Variants in CHODL observed in about 807,000 individuals in gnomAD.
The protein encoded by CHODL is transmembrane protein MT75.
In CHODL, 29 loss-of-function variants were observed where a neutral mutation model predicts 34.5. The observed-to-expected ratio is 0.84, with a 90% CI of 0.63 to 1.15. The LOEUF (loss-of-function observed/expected upper bound fraction) is 1.15, where lower values mean the gene tolerates loss of function less well. Among genes scored for constraint, CHODL ranks in the 50% most tolerant of loss-of-function variants. The pLI is 0.00. For missense variants in CHODL, 332 were observed against 332.5 expected, an observed-to-expected ratio of 1.00 and a Z score of 0.01; for synonymous variants, 125 against 116.1, an observed-to-expected ratio of 1.08 and a Z score of -0.49.
At chr21:18,252,904 A>G (rs567285297) in intron 1 of CHODL, among the ~76,000 whole-genome samples, 2 of 152,014 alleles carry the variant, frequency 1.3e-5, no homozygotes, top group African/African-American at 2.4e-5. Context: ...TCTATTATCC[A>G]CAACCAGAGA....
At chr21:18,104,525 G>A (rs2065251918) in intron 2 of CHODL, among the ~76,000 whole-genome samples, 1 of 152,072 alleles carries the variant, frequency 6.6e-6, no homozygotes. Context: ...ACAGTAGTAT[G>A]AAAACAAACT....
chr21:18,150,403 G>A (rs1475313415), intron 2 of CHODL, among the ~76,000 whole-genome samples: 1 of 152,150 alleles, frequency 6.6e-6, no homozygotes, highest in African/African-American at 2.4e-5. Context: ...CCCTGGCCAA[G>A]GAGAAAGTCC....
Position 17,917,796 on chromosome 21 carries a change from A to G in CHODL, c.-145+396A>G, listed in dbSNP as rs149961841. Among the ~76,000 whole-genome samples the G allele has an allele frequency of 8.0e-3, 1,215 of 152,154 alleles. 19 individuals carry two copies. Among genetic ancestry groups the G allele is most frequent in the African/African-American group, 0.027 (1,119 of 41,534 alleles). On this transcript the variant is annotated intron_variant, in intron 1 of 6. Transcript: ENST00000400127. ...GAGTAGATCTACAGGAGGTAAATGA[A>G]TGATATTTAGCACACTGCATGTTTT...
intron 2 of CHODL, among the ~76,000 whole-genome samples, chr21:18,070,137 C>G (rs2638082): frequency 0.43 from 64,785 of 150,198 alleles, 15,130 homozygotes; most frequent in East Asian, 0.95. Context: ...GTATACTGCT[C>G]AGGTGATGGG....
intron 1 of CHODL, among the ~76,000 whole-genome samples, chr21:17,989,605 C>T (rs1016878349): frequency 1.3e-5 from 2 of 152,066 alleles, no homozygotes; most frequent in Admixed American, 1.3e-4. Context: ...TGAAGTAACA[C>T]CATGTGTTTG....
Position 18,174,457 on chromosome 21 carries a change from C to G in CHODL, c.-44-82052C>G, listed in dbSNP as rs77091014. 9.0e-4 allele frequency among the ~76,000 whole-genome samples: 137 copies of G among 151,924 alleles called. 2 individuals carry two copies. In the East Asian group the frequency reaches 0.018, roughly 20 times the overall value. On this transcript the variant is annotated intron_variant, in intron 2 of 6. Transcript: ENST00000400127. ...CAATAATTCTAAAATTCTTTAAGGA[C>G]TACATTGGATTATAAAACACAGTCA...
Position 17,998,787 on chromosome 21 carries a change from C to T in CHODL, c.-144-29085C>T, listed in dbSNP as rs148341896. ...TAGGCTGCATACAGCTTGGGGACCC[C>T]GGGCCCAGCCCACAAAACCACTTTT... On this transcript the variant is annotated intron_variant, in intron 1 of 6. Transcript: ENST00000400127. Among the ~76,000 whole-genome samples the T allele has an allele frequency of 8.1e-3, 1,241 of 152,272 alleles. 19 individuals are homozygous for T. Among genetic ancestry groups the T allele is most frequent in the African/African-American group, 0.022 (924 of 41,562 alleles).
chr21:18,028,014 A>AT (rs1259260984), intron 2 of CHODL: 1 of 152,432 alleles, frequency 6.6e-6, no homozygotes, highest in East Asian at 1.9e-4. Context: ...TGGTCATGAC[A>AT]TACTGTTATA....
At chr21:18,120,553 C>T (rs17002345) in intron 2 of CHODL, among the ~76,000 whole-genome samples, 16,913 of 152,068 alleles carry the variant, frequency 0.11, 1,574 homozygotes, top group African/African-American at 0.25. Flanking sequence ...CACACTGATT[C>T]ACACAAAACA....
At chr21:17,981,346 A>G (rs2063712468) in intron 1 of CHODL, among the ~76,000 whole-genome samples, 1 of 152,206 alleles carries the variant, frequency 6.6e-6, no homozygotes, top group South Asian at 2.1e-4. Flanking sequence ...GCTTTAAACA[A>G]AGAACTGTTT....
intron 2 of CHODL, among the ~76,000 whole-genome samples, chr21:18,044,248 G>A (rs1046271344): frequency 5.3e-5 from 8 of 151,926 alleles, no homozygotes; most frequent in Non-Finnish European, 1.5e-5. Context: ...TACAAAATGT[G>A]AATTGTGTGA....
At chr21:18,091,084 G>A (rs1023575772) in intron 2 of CHODL, among the ~76,000 whole-genome samples, 2 of 152,208 alleles carry the variant, frequency 1.3e-5, no homozygotes, top group Non-Finnish European at 2.9e-5. Context: ...TGATCTCAAT[G>A]TTTCCCTGTC....
chr21:18,142,189 G>A (rs2072811620), intron 2 of CHODL, among the ~76,000 whole-genome samples: 1 of 151,810 alleles, frequency 6.6e-6, no homozygotes, highest in Non-Finnish European at 1.5e-5. Flanking sequence ...AGAGAAGCAA[G>A]CTTTGGAATT....
intron 3 of CHODL, 87 bp downstream of exon 3, chr21:18,257,214 CTTTT>C: frequency 7.9e-7 from 1 of 1,267,096 alleles, no homozygotes; most frequent in Non-Finnish European, 1.1e-6. Context: ...ACCTGTGGCT[CTTTT>C]TGTTTTTCTG....
intron 2 of CHODL, among the ~76,000 whole-genome samples, chr21:18,152,371 A>G (rs1477874941): frequency 1.3e-5 from 2 of 152,200 alleles, no homozygotes; most frequent in African/African-American, 4.8e-5. Flanking sequence ...TCATTTCCAC[A>G]TGGTTCTGAG....
chr21:18,019,180 T>C (rs1368664464), intron 1 of CHODL, among the ~76,000 whole-genome samples: 2 of 152,272 alleles, frequency 1.3e-5, no homozygotes, highest in Non-Finnish European at 1.5e-5. Context: ...TTATCACTAT[T>C]ATTTTAAGCT....
chr21:18,126,184 A>G (rs2065541517), intron 2 of CHODL, among the ~76,000 whole-genome samples: 1 of 152,180 alleles, frequency 6.6e-6, no homozygotes, highest in African/African-American at 2.4e-5. Flanking sequence ...TCCAACCTTC[A>G]GCAACCACCA....
At chr21:18,210,372 G>A (rs1208750987) in intron 2 of CHODL, among the ~76,000 whole-genome samples, 3 of 152,216 alleles carry the variant, frequency 2.0e-5, no homozygotes, top group Non-Finnish European at 4.4e-5. Flanking sequence ...GGGATGGGAT[G>A]CAGGTGGTGT....
At chr21:18,036,573 A>C (rs888790949) in intron 2 of CHODL, among the ~76,000 whole-genome samples, 1 of 152,038 alleles carries the variant, frequency 6.6e-6, no homozygotes, top group African/African-American at 2.4e-5. Context: ...AGAGTGGGAC[A>C]GCGATAGGTC....
Sources: gnomAD v4.1 joint callset for allele counts (sites outside exome capture counted in the v4.1 genomes callset) on GRCh38, gnomAD v4.1.1 for gene constraint, MANE v1.5 for transcripts, NCBI Gene and HGNC (gene_info 2026-07-23, HGNC 2026-07-21) for gene names.